The following PREX2 variants were observed in gnomAD, a reference collection of about 807,000 sequenced individuals.
The protein encoded by PREX2 is phosphatidylinositol 3,4,5-trisphosphate-dependent Rac exchanger 2 protein.
A neutral mutation model predicts 203.2 loss-of-function variants in PREX2; 107 were observed. The observed-to-expected ratio is 0.53, with a 90% CI of 0.45 to 0.62. The LOEUF is 0.62. PREX2 is among the 20% of genes least tolerant of loss of function. PREX2 has a pLI of 0.00. For missense variants in PREX2, 1,777 were observed against 1,955.9 expected, an observed-to-expected ratio of 0.91 and a Z score of 1.72; for synonymous variants, 672 against 663.6, an observed-to-expected ratio of 1.01 and a Z score of -0.19.
chr8:68,042,402 G>A (rs192469518), intron 7 of PREX2, among the ~76,000 whole-genome samples: 24 of 152,112 alleles, frequency 1.6e-4, no homozygotes, highest in Admixed American at 1.4e-3. Flanking sequence ...TTAAAAAATA[G>A]TATCATAGCG....
intron 34 of PREX2, among the ~76,000 whole-genome samples, chr8:68,147,837 T>C (rs1190689827): frequency 1.3e-5 from 2 of 152,166 alleles, no homozygotes; most frequent in Admixed American, 6.5e-5. Context: ...GGACTGTGAT[T>C]TATAGACAGG....
chr8:68,085,968 ACTT>A (rs1178363860), intron 18 of PREX2, among the ~76,000 whole-genome samples: 2 of 152,126 alleles, frequency 1.3e-5, no homozygotes, highest in African/African-American at 2.4e-5. Flanking sequence ...AGAAGCATGA[ACTT>A]CTTCTGATTT....
intron 11 of PREX2, among the ~76,000 whole-genome samples, chr8:68,067,624 T>A (rs1209942815): frequency 6.6e-6 from 1 of 152,048 alleles, no homozygotes; most frequent in Non-Finnish European, 1.5e-5. Flanking sequence ...TAGTTTTTGG[T>A]GGAAGTTATA....
rs796889875 is a variant in PREX2 at position 67,990,596 on chromosome 8, G to T, written c.142-27250G>T. On this transcript the variant is annotated intron_variant, in intron 1 of 39. Coordinates refer to ENST00000288368, the MANE Select transcript of PREX2 (RefSeq NM_024870.4). ...ATGATCTCAGCTCACTGCAACCTCC[G>T]CCTCCCGGGTTCAAGCAATTCTCCT... 1.2e-4 allele frequency among the ~76,000 whole-genome samples: 18 copies of T among 150,520 alleles called. 2 individuals carry two copies. Among genetic ancestry groups the T allele is most frequent in the Admixed American group, 4.0e-4 (6 of 15,090 alleles).
intron 1 of PREX2, among the ~76,000 whole-genome samples, chr8:68,003,840 AC>A (rs1807013944): frequency 1.7e-5 from 2 of 117,196 alleles, no homozygotes; most frequent in Non-Finnish European, 3.5e-5. Context: ...TTCTGGCCTG[AC>A]CTTTTTTTTT....
At chr8:67,990,876 A>G (rs73257989) in intron 1 of PREX2, among the ~76,000 whole-genome samples, 6,604 of 152,112 alleles carry the variant, frequency 0.043, 451 homozygotes, top group African/African-American at 0.14. Flanking sequence ...AGAATGTTAG[A>G]CATTAGTGAT....
chr8:68,078,527 C>T (rs1809417340), intron 15 of PREX2, among the ~76,000 whole-genome samples: 1 of 152,080 alleles, frequency 6.6e-6, no homozygotes, highest in African/African-American at 2.4e-5. Context: ...ACCTGTTTGT[C>T]AGTTACTTTT....
chr8:68,109,566 T>C lies in PREX2; in HGVS notation c.3089T>C (p.Leu1030Pro). ...LETQDIYQKL[L>P]GKLQTALKEV... The stretch of plus-strand genomic sequence containing the variant: ...ACCCAAGACATCTATCAGAAACTGC[T>C]GGGCAAACTTCAGACTGCACTGAAA... Residue 1030 changes from leucine to proline, a missense_variant, in exon 25 of 40, where the codon CTG becomes CCG. Transcript: ENST00000288368. The C allele has an allele frequency of 6.2e-7, 1 of 1,614,022 alleles. No homozygotes were observed. The highest frequency in any genetic ancestry group is 8.5e-7 in the Non-Finnish European group (1 of 1,179,922).
chr8:68,085,319 A>AGCATACTCATTTTTTTGAAGATG (rs1809647892), intron 18 of PREX2, among the ~76,000 whole-genome samples: 1 of 152,206 alleles, frequency 6.6e-6, no homozygotes. Flanking sequence ...TACATTGTAT[A>AGCATACTCATTTTTTTGAAGATG]GCATACTCAT....
Position 68,012,906 on chromosome 8 carries a change from C to T in PREX2, c.142-4940C>T, listed in dbSNP as rs549340351. Among the ~76,000 whole-genome samples, 27 of 152,240 alleles carry T rather than the reference C, an allele frequency of 1.8e-4. No homozygotes were observed. In the South Asian group the frequency reaches 2.5e-3, roughly 14 times the overall value. On this transcript the variant is annotated intron_variant, in intron 1 of 39. Transcript: ENST00000288368. ...ATCCAGCTCCAAATGTCAATAATGT[C>T]AAGACTGATAAACCATGTCATATGG...
rs139309828 is a variant in PREX2 at position 68,192,671 on chromosome 8, G to C, written c.4604+146G>C. The C allele has an allele frequency of 2.7e-5, 16 of 594,840 alleles. No homozygotes were observed. In the East Asian group the frequency reaches 4.8e-4, roughly 18 times the overall value. The allele number at this position is 594,840 out of a possible 1,614,324, so 36.8% of individuals were successfully genotyped here. A position where few individuals can be genotyped will look rare whatever the true frequency, so the allele number is the denominator to read the frequency against. On this transcript the variant is annotated intron_variant, in intron 37 of 39. Transcript: ENST00000288368. ...GGAATAAGATTTTGGACGTTTTCTG[G>C]TTTTAATTCTTGTATTTTCAGTGAC...
intron 1 of PREX2, among the ~76,000 whole-genome samples, chr8:68,016,764 G>T (rs967062696): frequency 6.6e-6 from 1 of 152,066 alleles, no homozygotes; most frequent in Non-Finnish European, 1.5e-5. Flanking sequence ...GTACAGGTGT[G>T]TGCCACCACG....
intron 35 of PREX2, among the ~76,000 whole-genome samples, chr8:68,185,537 A>T (rs1423432424): frequency 6.6e-6 from 1 of 151,986 alleles, no homozygotes; most frequent in Non-Finnish European, 1.5e-5. Flanking sequence ...TATACCTTTA[A>T]TTTCACCTAT....
Position 68,236,627 on chromosome 8 carries a change from AATATAT to A in PREX2, c.*5252_*5257del, listed in dbSNP as rs1259138783. On this transcript the variant is annotated 3_prime_UTR_variant, in exon 40 of 40. Coordinates refer to ENST00000288368, the MANE Select transcript of PREX2 (RefSeq NM_024870.4). Reference sequence around the variant, plus strand: ...AGCAAATTTATTAGAGTTTCAGATGAATATATATTTTTGTAACTGGCAAGTAAATGA... The same window carrying A: ...AGCAAATTTATTAGAGTTTCAGATGAATTTTTGTAACTGGCAAGTAAATGA... 1 of 152,194 alleles carries A rather than the reference AATATAT, an allele frequency of 6.6e-6. No homozygotes were observed. The highest frequency in any genetic ancestry group is 6.5e-5 in the Admixed American group (1 of 15,274). The allele number at this position is 152,194 out of a possible 1,614,324, so 9.4% of individuals were successfully genotyped here.
intron 39 of PREX2, among the ~76,000 whole-genome samples, chr8:68,225,043 G>T (rs1813031957): frequency 6.6e-6 from 1 of 152,064 alleles, no homozygotes; most frequent in South Asian, 2.1e-4. Context: ...TCTCCTTGGA[G>T]TCTTGCTTGA....
At chr8:68,168,247 A>G (rs1811802460) in intron 35 of PREX2, among the ~76,000 whole-genome samples, 1 of 152,212 alleles carries the variant, frequency 6.6e-6, no homozygotes. Context: ...ATATATGTGT[A>G]GTGCATTAAA....
rs1293536839 is a variant in PREX2 at position 67,952,062 on chromosome 8, C to T, written c.-333C>T. ...TGGATACAAAGCTTTTGATTAATGT[C>T]CAAGTCACTGCTGTGGCTGCCGAAG... is the stretch of plus-strand genomic sequence containing the variant. On this transcript the variant is annotated 5_prime_UTR_variant, in exon 1 of 40. Transcript: ENST00000288368. The T allele has an allele frequency of 4.1e-6, 1 of 242,272 alleles. No homozygotes were observed. Among genetic ancestry groups the T allele is most frequent in the African/African-American group, 2.3e-5 (1 of 44,226 alleles). The allele number at this position is 242,272 out of a possible 1,614,324, so 15.0% of individuals were successfully genotyped here.
intron 1 of PREX2, among the ~76,000 whole-genome samples, chr8:67,989,237 A>G (rs1450457485): frequency 6.6e-6 from 1 of 152,226 alleles, no homozygotes; most frequent in Non-Finnish European, 1.5e-5. Context: ...TACAAAAGAC[A>G]TTATAATTTA....
chr8:68,112,588 G>A (rs11993262), intron 25 of PREX2, among the ~76,000 whole-genome samples: 8,037 of 152,060 alleles, frequency 0.053, 639 homozygotes, highest in African/African-American at 0.17. Flanking sequence ...CACCATAAAA[G>A]CCAACTTTTT....
Sources: allele counts gnomAD v4.1 joint callset (sites outside exome capture counted in the v4.1 genomes callset), GRCh38; gene constraint gnomAD v4.1.1; transcripts MANE v1.5; gene names NCBI Gene and HGNC (gene_info 2026-07-23, HGNC 2026-07-21).